Variants in A4GALT observed in about 807,000 individuals in gnomAD.
The protein encoded by A4GALT is alpha 1,4-galactosyltransferase (P1PK blood group).
For missense variants in A4GALT, 512 were observed against 486.0 expected, an observed-to-expected ratio of 1.05 and a Z score of -0.50; for synonymous variants, 257 against 220.7, an observed-to-expected ratio of 1.16 and a Z score of -1.46.
Position 42,692,879 on chromosome 22 carries a change from T to C in A4GALT, c.*11A>G. On this transcript the variant is annotated 3_prime_UTR_variant, in exon 3 of 3. Transcript: ENST00000642412. The surrounding 1 kb of genome is among the most constrained non-coding windows in gnomAD (Gnocchi z 4.6). ...TCAGGAGCAGGTTGGGGAGGTGACC[T>C]GGCGGGCCCCTCACAAGTACATTTT... 1 of 1,599,338 alleles carries C rather than the reference T, an allele frequency of 6.3e-7. No individual in the cohort carries two copies. The highest frequency in any genetic ancestry group is 8.5e-7 in the Non-Finnish European group (1 of 1,179,586).
chr22:42,693,325 G>C lies in A4GALT; in HGVS notation c.627C>G (p.Gly209=). 2 of 1,613,174 alleles carry C rather than the reference G, an allele frequency of 1.2e-6. No homozygotes were observed. The highest frequency in any genetic ancestry group is 1.7e-6 in the Non-Finnish European group (2 of 1,179,988). ...KNLRNLTNVL[G]TQSRYVLNGA... ...CGTTGAGGACGTAGCGGGACTGGGT[G>C]CCCAGCACGTTGGTCAGGTTCCGCA... Residue 209 remains glycine (G), a synonymous_variant, in exon 3 of 3, where the codon GGC becomes GGG. Coordinates refer to ENST00000642412, the MANE Select transcript of A4GALT (RefSeq NM_017436.7).
intron 1 of A4GALT, among the ~76,000 whole-genome samples, chr22:42,706,049 C>CAAAA (rs763747325): frequency 2.5e-4 from 6 of 24,486 alleles, no homozygotes; most frequent in African/African-American, 5.4e-4. Flanking sequence ...GACTACATCT[C>CAAAA]AAAAAAAAAA....
At chr22:42,715,817 C>T (rs1466868501) in intron 1 of A4GALT, among the ~76,000 whole-genome samples, 2 of 150,142 alleles carry the variant, frequency 1.3e-5, no homozygotes, top group African/African-American at 2.5e-5. Flanking sequence ...CACACCTGGC[C>T]GGAAAGATAC....
Position 42,693,375 on chromosome 22 carries a change from T to C in A4GALT, c.577A>G (p.Thr193Ala). The C allele has an allele frequency of 1.2e-6, 2 of 1,613,270 alleles. No homozygotes were observed. The highest frequency in any genetic ancestry group is 1.1e-5 in the South Asian group (1 of 91,086). ...MWKFGGIYLD[T>A]DFIVLKNLRN... Reference sequence around the variant, plus strand: ...AGGTTCTTGAGAACAATGAAGTCCGTGTCCAGGTAGATGCCGCCGAACTTC... The same window carrying C: ...AGGTTCTTGAGAACAATGAAGTCCGCGTCCAGGTAGATGCCGCCGAACTTC... Residue 193 changes from threonine (T) to alanine (A), a missense_variant, in exon 3 of 3, where the codon ACG (threonine) becomes GCG (alanine). Physicochemically the swap from Thr to Ala is moderately conservative, Grantham distance 58. Transcript: ENST00000642412.
intron 1 of A4GALT, among the ~76,000 whole-genome samples, chr22:42,701,463 G>C (rs1363627033): frequency 6.6e-6 from 1 of 152,150 alleles, no homozygotes; most frequent in East Asian, 1.9e-4. Flanking sequence ...GGTCACATGT[G>C]GCTTTGAACA....
Position 42,714,274 on chromosome 22 carries a change from CAAAAAAAAAAAA to C in A4GALT, c.-188+6511_-188+6522del, listed in dbSNP as rs1163088658. 6.7e-3 allele frequency among the ~76,000 whole-genome samples: 109 copies of C among 16,154 alleles called. 1 individual carries two copies. The highest frequency in any genetic ancestry group is 0.014 in the African/African-American group (82 of 5,988). The allele number at this position is 16,154 out of a possible 152,430, so 10.6% of individuals were successfully genotyped here. On this transcript the variant is annotated intron_variant, in intron 1 of 2. Transcript: ENST00000642412. ...TGGGCAACAGAGCAAGACTCTGTCT[CAAAAAAAAAAAA>C]AAAAAAAAAAAAAAAAAAAAGGCAG...
rs1273744103 is a variant in A4GALT, at chr22:42,705,236, G to A, written c.-187-9605C>T. 3.9e-5 allele frequency among the ~76,000 whole-genome samples: 6 copies of A among 152,096 alleles called. No homozygotes were observed. In the South Asian group the frequency reaches 6.2e-4, roughly 16 times the overall value. ...TTCAAATATGGAAAAAAATTTAAAG[G>A]CATAAAACAAAATGGAAACGGGGGT... On this transcript the variant is annotated intron_variant, in intron 1 of 2. Coordinates refer to ENST00000642412, the MANE Select transcript of A4GALT (RefSeq NM_017436.7).
chr22:42,694,256 G>A (rs1930757747), intron 2 of A4GALT, among the ~76,000 whole-genome samples: 1 of 152,262 alleles, frequency 6.6e-6, no homozygotes, highest in African/African-American at 2.4e-5. Context: ...CAAGGACCAG[G>A]CCAGTGCCAC....
At chr22:42,701,249 C>G (rs2146983551) in intron 1 of A4GALT, among the ~76,000 whole-genome samples, 1 of 152,288 alleles carries the variant, frequency 6.6e-6, no homozygotes. Context: ...CTGCCACGTG[C>G]CCACAAGACA....
Position 42,709,065 on chromosome 22 carries a change from A to ATTTTTT in A4GALT, c.-188+11731_-188+11732insAAAAAA, listed in dbSNP as rs972762721. ...AAAATTTAAATATATATATATATAT[A>ATTTTTT]TATTTTTTTTAAGACAGGGTCTGCT... On this transcript the variant is annotated intron_variant, in intron 1 of 2. Transcript: ENST00000642412. Among the ~76,000 whole-genome samples the ATTTTTT allele has an allele frequency of 4.3e-5, 4 of 93,658 alleles. No homozygotes were observed. The South Asian group carries it at 1.2e-3, about 29-fold the overall frequency. The allele number at this position is 93,658 out of a possible 152,430, so 61.4% of individuals were successfully genotyped here. A position where few individuals can be genotyped will look rare whatever the true frequency, so the allele number is the denominator to read the frequency against.
At chr22:42,694,823 A>G (rs1930807904) in intron 2 of A4GALT, 1 of 152,136 alleles carries the variant, frequency 6.6e-6, no homozygotes, top group African/African-American at 2.4e-5. Flanking sequence ...GGTAACATTC[A>G]TTCATTCATA....
intron 1 of A4GALT, among the ~76,000 whole-genome samples, chr22:42,696,945 C>T (rs896335999): frequency 2.0e-5 from 3 of 151,440 alleles, no homozygotes; most frequent in Non-Finnish European, 4.4e-5. Flanking sequence ...CCTCCCTGGG[C>T]CCCCTGAAAT....
chr22:42,694,945 AC>A (rs994244651), intron 2 of A4GALT: 10 of 151,340 alleles, frequency 6.6e-5, no homozygotes, highest in African/African-American at 2.2e-4. Flanking sequence ...GGCAATCACC[AC>A]CCCCACCCTA....
intron 1 of A4GALT, among the ~76,000 whole-genome samples, chr22:42,710,350 G>A (rs891536149): frequency 2.6e-5 from 4 of 152,160 alleles, no homozygotes; most frequent in South Asian, 2.1e-4. Context: ...AGAAGACCCC[G>A]CTTACAACAA....
intron 1 of A4GALT, among the ~76,000 whole-genome samples, chr22:42,720,293 C>T (rs1396877760): frequency 1.4e-5 from 1 of 71,362 alleles, no homozygotes; most frequent in South Asian, 3.5e-4. Context: ...AAGGCCGGCG[C>T]CGACGCTGCC....
chr22:42,703,143 T>TGTGTGTGTGTGTGTGTGTGTG (rs1555887019), intron 1 of A4GALT, among the ~76,000 whole-genome samples: 13 of 148,180 alleles, frequency 8.8e-5, no homozygotes, highest in African/African-American at 3.0e-4. Flanking sequence ...TGTGTGTGTG[T>TGTGTGTGTGTGTGTGTGTGTG]TGTCCCCACC....
chr22:42,717,882 A>G (rs1922329895), intron 1 of A4GALT, among the ~76,000 whole-genome samples: 1 of 152,190 alleles, frequency 6.6e-6, no homozygotes, highest in Non-Finnish European at 1.5e-5. Flanking sequence ...AAACCAATCA[A>G]TAAGCAACAC....
In A4GALT at chr22:42,693,586, G is replaced by A; in HGVS notation, c.366C>T (p.Ala122=). 6.2e-7 allele frequency: 1 copy of A among 1,613,730 alleles called. No individual in the cohort carries two copies. The highest frequency in any genetic ancestry group is 8.5e-7 in the Non-Finnish European group (1 of 1,180,044). Residue 122 remains alanine (A), a synonymous_variant, in exon 3 of 3, where the codon GCC becomes GCT. Transcript: ENST00000642412. ...VLMKGLPGGN[A]SLPRHLGISL... is the part of the protein sequence containing the mutation. Reference sequence around the variant, plus strand: ...AGATGCCCAGGTGCCGGGGCAGAGAGGCGTTGCCACCCGGAAGCCCTTTCA... The same window carrying A: ...AGATGCCCAGGTGCCGGGGCAGAGAAGCGTTGCCACCCGGAAGCCCTTTCA...
At chr22:42,708,203 C>G (rs946699018) in intron 1 of A4GALT, among the ~76,000 whole-genome samples, 2 of 151,846 alleles carry the variant, frequency 1.3e-5, no homozygotes, top group African/African-American at 4.8e-5. Context: ...GCCTGACTAA[C>G]ATGGAGAAAC....
Sources: allele counts gnomAD v4.1 joint callset (sites outside exome capture counted in the v4.1 genomes callset), GRCh38; gene constraint gnomAD v4.1.1; non-coding constraint Gnocchi (gnomAD v3.1); transcripts MANE v1.5; gene names NCBI Gene and HGNC (gene_info 2026-07-23, HGNC 2026-07-21).